The following MREG variants were observed in gnomAD, a reference collection of about 807,000 sequenced individuals.
The protein encoded by MREG is melanoregulin.
In MREG, 31 loss-of-function variants were observed where a neutral mutation model predicts 28.5. The observed-to-expected ratio is 1.09, with a 90% CI of 0.82 to 1.47. The LOEUF is 1.47. Among genes scored for constraint, MREG ranks in the 40% most tolerant of loss-of-function variants. The pLI, the probability that MREG is intolerant of heterozygous loss-of-function variation, is 0.00. For missense variants in MREG, 256 were observed against 257.4 expected (o/e 0.99, Z 0.04); for synonymous variants, 106 against 95.2 (o/e 1.11, Z -0.66).
chr2:215,984,897 T>C (rs1211120926), intron 2 of MREG, among the ~76,000 whole-genome samples: 1 of 152,214 alleles, frequency 6.6e-6, no homozygotes, highest in East Asian at 1.9e-4. Flanking sequence ...GAGACAGGCT[T>C]ATGAGCAGAC....
At chr2:215,972,617 GAA>G (rs34332971) in intron 2 of MREG, among the ~76,000 whole-genome samples, 13,126 of 103,678 alleles carry the variant, frequency 0.13, 649 homozygotes, top group East Asian at 0.36. Context: ...CTCTCTCCCA[GAA>G]AAAAAAAAAA....
At position 215,953,082 on chromosome 2, in the gene MREG, C is replaced by A. The variant is rs538955273; in HGVS notation, c.256-5969G>T. Among the ~76,000 whole-genome samples the A allele has an allele frequency of 3.3e-5, 5 of 152,330 alleles. No homozygotes were observed. The South Asian group carries it at 8.3e-4, about 25-fold the overall frequency. On this transcript the variant is annotated intron_variant, in intron 2 of 4. Transcript: ENST00000263268. ...ACCATGATTCATCCCTTAAGGTTGG[C>A]ACCTTGCTGCCCAAACAAAAGCTGG...
intron 1 of MREG, among the ~76,000 whole-genome samples, chr2:216,025,513 T>C (rs567197060): frequency 1.3e-5 from 2 of 152,228 alleles, no homozygotes; most frequent in Non-Finnish European, 2.9e-5. Flanking sequence ...AAGGAACTGA[T>C]TGGGCCTCAG....
rs1280800757 is a variant in MREG at position 215,944,298 on chromosome 2, T to C, written c.*565A>G. The C allele has an allele frequency of 6.6e-6, 1 of 152,200 alleles. No individual in the cohort carries two copies. Among genetic ancestry groups the C allele is most frequent in the Non-Finnish European group, 1.5e-5 (1 of 68,052 alleles). 9.4% of individuals were successfully genotyped at this position (152,200 alleles called of 1,614,324 possible). A position where few individuals can be genotyped will look rare whatever the true frequency, so the allele number is the denominator to read the frequency against. Reference sequence around the variant, plus strand: ...CAGCCATTCCTTGTCATTTCTATCATTTGATACATCTATACTTCTGAATAA... The same window carrying C: ...CAGCCATTCCTTGTCATTTCTATCACTTGATACATCTATACTTCTGAATAA... On this transcript the variant is annotated 3_prime_UTR_variant, in exon 5 of 5. Transcript: ENST00000263268.
intron 1 of MREG, among the ~76,000 whole-genome samples, chr2:216,008,069 C>G (rs1158830858): frequency 6.6e-6 from 1 of 151,962 alleles, no homozygotes; most frequent in Non-Finnish European, 1.5e-5. Context: ...CTTTACAGAA[C>G]CTAACTACCA....
rs1692803773 is a variant in MREG at position 215,961,970 on chromosome 2, C to T, written c.256-14857G>A. The stretch of plus-strand genomic sequence containing the variant: ...CCCAAATCACACCTTGGAGTTACTG[C>T]TTAGAGCACCTTAGACAGGCACATC... On this transcript the variant is annotated intron_variant, in intron 2 of 4. Coordinates refer to ENST00000263268, the MANE Select transcript of MREG (RefSeq NM_018000.3). Among the ~76,000 whole-genome samples, 3 of 152,304 alleles carry T rather than the reference C, an allele frequency of 2.0e-5. No individual in the cohort carries two copies. In the South Asian group the frequency reaches 6.2e-4, roughly 32 times the overall value.
At position 215,951,040 on chromosome 2, in the gene MREG, G is replaced by A. The variant is rs189815256; in HGVS notation, c.256-3927C>T. 8.2e-4 allele frequency among the ~76,000 whole-genome samples: 125 copies of A among 151,976 alleles called. 3 individuals carry two copies. The East Asian group carries it at 0.02, about 25-fold the overall frequency. ...TTCTCTCTCTCTCTCTCCTGCCACC[G>A]TGTGAAGAAGGTGCTTTCTTCCCCT... On this transcript the variant is annotated intron_variant, in intron 2 of 4. Coordinates refer to ENST00000263268, the MANE Select transcript of MREG (RefSeq NM_018000.3).
chr2:216,012,035 G>A (rs1399616866), intron 1 of MREG, among the ~76,000 whole-genome samples: 1 of 152,170 alleles, frequency 6.6e-6, no homozygotes, highest in East Asian at 1.9e-4. Context: ...ATATACATGA[G>A]TTACATGTTT....
intron 1 of MREG, among the ~76,000 whole-genome samples, chr2:216,029,639 G>A (rs1694649302): frequency 6.6e-6 from 1 of 152,300 alleles, no homozygotes; most frequent in Middle Eastern, 3.4e-3. Context: ...CAAAATACAA[G>A]GATGCTAAGT....
intron 1 of MREG, among the ~76,000 whole-genome samples, chr2:216,010,529 TTGTATTTTTAGTAGAGAC>T (rs1694273620): frequency 6.6e-6 from 1 of 151,402 alleles, no homozygotes; most frequent in South Asian, 2.1e-4. Context: ...GGCTAATTTT[TTGTATTTTTAGTAGAGAC>T]GGGGTTTCAC....
In MREG at chr2:215,943,251, C is replaced by A; in HGVS notation, c.*1612G>T. 2.9e-6 allele frequency: 1 copy of A among 339,852 alleles called. No individual in the cohort carries two copies. Among genetic ancestry groups the A allele is most frequent in the Non-Finnish European group, 5.9e-6 (1 of 169,538 alleles). 21.1% of individuals were successfully genotyped at this position (339,852 alleles called of 1,614,324 possible). A position where few individuals can be genotyped will look rare whatever the true frequency, so the allele number is the denominator to read the frequency against. Reference sequence around the variant, plus strand: ...TTAAAGTCTTTTCAGTAACATGAACCATGATCTCTTGACAAGTTCCTTGCT... The same window carrying A: ...TTAAAGTCTTTTCAGTAACATGAACAATGATCTCTTGACAAGTTCCTTGCT... On this transcript the variant is annotated 3_prime_UTR_variant, in exon 5 of 5. Coordinates refer to ENST00000263268, the MANE Select transcript of MREG (RefSeq NM_018000.3).
chr2:216,029,781 G>A (rs950431307), intron 1 of MREG, among the ~76,000 whole-genome samples: 8 of 152,318 alleles, frequency 5.3e-5, no homozygotes, highest in Admixed American at 2.6e-4. Flanking sequence ...GCAAATCAAA[G>A]TTTTAGATTT....
chr2:215,990,084 C>T (rs1480890937), intron 2 of MREG, among the ~76,000 whole-genome samples: 1 of 152,016 alleles, frequency 6.6e-6, no homozygotes, highest in Non-Finnish European at 1.5e-5. Context: ...AACTCCAAGA[C>T]ACATAATTAT....
At chr2:215,940,879 T>C (rs1261473442), downstream of MREG, among the ~76,000 whole-genome samples, 1 of 152,158 alleles carries the variant, frequency 6.6e-6, no homozygotes, top group African/African-American at 2.4e-5. Context: ...CCATCATAAA[T>C]ATTTTCTATC....
At chr2:215,985,292 C>G (rs1027708176) in intron 2 of MREG, among the ~76,000 whole-genome samples, 1 of 152,182 alleles carries the variant, frequency 6.6e-6, no homozygotes, top group Non-Finnish European at 1.5e-5. Flanking sequence ...TAAAGCACAA[C>G]TACTTTAATG....
chr2:215,971,266 C>G (rs925730987), intron 2 of MREG, among the ~76,000 whole-genome samples: 2 of 152,134 alleles, frequency 1.3e-5, no homozygotes, highest in Non-Finnish European at 2.9e-5. Context: ...TGTAACAAAC[C>G]TGCACATTCT....
At chr2:215,967,315 G>C (rs1210037021) in intron 2 of MREG, among the ~76,000 whole-genome samples, 1 of 152,122 alleles carries the variant, frequency 6.6e-6, no homozygotes, top group African/African-American at 2.4e-5. Flanking sequence ...TAAAACCCCA[G>C]AATATGAAAG....
intron 1 of MREG, among the ~76,000 whole-genome samples, chr2:215,999,698 T>C (rs1228511755): frequency 6.6e-6 from 1 of 152,160 alleles, no homozygotes; most frequent in Non-Finnish European, 1.5e-5. Flanking sequence ...TGAGGACCGA[T>C]TCCAGCAGCA....
upstream of MREG, among the ~76,000 whole-genome samples, chr2:216,013,826 T>A (rs144859361): frequency 6.6e-6 from 1 of 152,210 alleles, no homozygotes; most frequent in Non-Finnish European, 1.5e-5. Context: ...CCTACAGGCC[T>A]TCAAAGCAGA....
Sources: allele counts gnomAD v4.1 joint callset (sites outside exome capture counted in the v4.1 genomes callset), GRCh38; gene constraint gnomAD v4.1.1; transcripts MANE v1.5; gene names NCBI Gene and HGNC (gene_info 2026-07-23, HGNC 2026-07-21).